Variants in DAP3 observed in about 807,000 individuals in gnomAD.
DAP3 encodes the protein small ribosomal subunit protein mS29.
DAP3 carries 28 observed loss-of-function variants against 51.9 expected under a neutral mutation model. The observed-to-expected ratio is 0.54, with a 90% CI of 0.40 to 0.74. DAP3 has a LOEUF of 0.74. DAP3 is among the 30% of genes least tolerant of loss of function. The pLI, the probability that DAP3 is intolerant of heterozygous loss-of-function variation, is 0.00. For synonymous variants in DAP3, 170 were observed against 170.3 expected (o/e 1.00, Z 0.01); for missense variants, 458 against 483.5 (o/e 0.95, Z 0.49).
chr1:155,719,899 C>T (rs1474828967), intron 3 of DAP3, among the ~76,000 whole-genome samples: 2 of 152,102 alleles, frequency 1.3e-5, no homozygotes, highest in African/African-American at 4.8e-5. Context: ...GTCCCAGCTA[C>T]TCGAGAGGTT....
chr1:155,735,439 T>A (rs1034407219), intron 11 of DAP3, among the ~76,000 whole-genome samples: 1 of 151,772 alleles, frequency 6.6e-6, no homozygotes, highest in African/African-American at 2.4e-5. Context: ...TAGCTGGGCA[T>A]GGTGGTGCAG....
Position 155,729,268 on chromosome 1 carries a change from A to T in DAP3, c.745A>T (p.Arg249Trp). 6.2e-7 allele frequency: 1 copy of T among 1,614,186 alleles called. No homozygotes were observed. Among genetic ancestry groups the T allele is most frequent in the Non-Finnish European group, 8.5e-7 (1 of 1,180,034 alleles). Residue 249 changes from arginine to tryptophan, a missense_variant, in exon 9 of 13, where the codon AGG becomes TGG. Transcript: ENST00000368336. ...AVGIVLKELK[R>W]QSSLGMFHLL... ...TGGAATTGTGCTGAAAGAGCTAAAG[A>T]GGCAAAGTTCTTTGGGTATGTTTCA...
chr1:155,730,301 G>A (rs1358644209), intron 9 of DAP3, among the ~76,000 whole-genome samples: 4 of 137,182 alleles, frequency 2.9e-5, no homozygotes, highest in Admixed American at 6.9e-5. Context: ...ATACATATTC[G>A]TATATATATG....
chr1:155,690,939 G>A (rs1487165875), intron 1 of DAP3, among the ~76,000 whole-genome samples: 2 of 141,268 alleles, frequency 1.4e-5, no homozygotes, highest in East Asian at 1.9e-4. Flanking sequence ...ACGGAGTCTC[G>A]CTCTGTCACC....
At chr1:155,732,211 G>A (rs941898948) in intron 11 of DAP3, 178 bp downstream of exon 11, 7 of 449,994 alleles carry the variant, frequency 1.6e-5, no homozygotes, top group Admixed American at 4.3e-5. Context: ...ATCCGTCTCC[G>A]TCTTTCTCCA....
upstream of DAP3, chr1:155,688,460 G>A (rs201373497): frequency 2.6e-6 from 4 of 1,549,612 alleles, no homozygotes; most frequent in Non-Finnish European, 3.5e-6. Flanking sequence ...CCCGACTCCG[G>A]CCATGTAGCG....
intron 1 of DAP3, among the ~76,000 whole-genome samples, chr1:155,704,737 T>C (rs1400583113): frequency 6.6e-6 from 1 of 152,040 alleles, no homozygotes; most frequent in African/African-American, 2.4e-5. Context: ...CCCAATACTT[T>C]GGGGGGCTGA....
rs200666107 is a variant in DAP3 at position 155,731,958 on chromosome 1, T to C, written c.918T>C (p.Ile306=). The C allele has an allele frequency of 2.5e-6, 4 of 1,610,966 alleles. No homozygotes were observed. In the African/African-American group the frequency reaches 4.0e-5, roughly 16 times the overall value. The change falls in exon 11 of 13, where the codon ATT becomes ATC. Residue 306 remains isoleucine (I), a synonymous_variant. Transcript: ENST00000368336. ...MMKNDWHGGA[I]VSALSQTGSL... is the part of the protein sequence containing the mutation. ...TTTTCTTTCAGCATGGAGGCGCCATTGTGTCGGCTTTGAGCCAGACTGGGT... is the reference window on the plus strand; with the variant it reads ...TTTTCTTTCAGCATGGAGGCGCCATCGTGTCGGCTTTGAGCCAGACTGGGT...
chr1:155,700,757 C>T (rs1375837137), intron 1 of DAP3, among the ~76,000 whole-genome samples: 6 of 144,928 alleles, frequency 4.1e-5, no homozygotes. Flanking sequence ...GGGGTCAGCC[C>T]TCCGCCCAGC....
chr1:155,736,610 T>C, intron 11 of DAP3: 1 of 283,030 alleles, frequency 3.5e-6, no homozygotes, highest in South Asian at 3.8e-5. Context: ...CGAGACAGGG[T>C]TTTACCACAT....
chr1:155,718,705 AAGATAGATAGATAGAT>A lies in DAP3; in HGVS notation c.168+1607_168+1622del, dbSNP rs61332895. 1.3e-3 allele frequency among the ~76,000 whole-genome samples: 185 copies of A among 140,942 alleles called. 2 individuals are homozygous for A. Among genetic ancestry groups the A allele is most frequent in the African/African-American group, 4.1e-3 (154 of 37,158 alleles). The allele number at this position is 140,942 out of a possible 152,430, so 92.5% of individuals were successfully genotyped here. A position where few individuals can be genotyped will look rare whatever the true frequency, so the allele number is the denominator to read the frequency against. ...TGTCTCAAAAAAAAAAAAAGAAAGA[AAGATAGATAGATAGAT>A]AGATAGATAGATAGATAGATAGATA... On this transcript the variant is annotated intron_variant, in intron 3 of 12. Transcript: ENST00000368336.
intron 3 of DAP3, among the ~76,000 whole-genome samples, chr1:155,719,260 A>G (rs1657710843): frequency 6.9e-6 from 1 of 144,328 alleles, no homozygotes; most frequent in African/African-American, 2.6e-5. Context: ...TTTGAGACAG[A>G]GTTTCACTCT....
intron 1 of DAP3, among the ~76,000 whole-genome samples, chr1:155,706,187 G>T (rs948380942): frequency 1.3e-5 from 2 of 151,966 alleles, no homozygotes; most frequent in African/African-American, 4.8e-5. Context: ...TCTTTTGTTT[G>T]TGGAATTGGC....
intron 3 of DAP3, 34 bp from the exon 4 acceptor site, chr1:155,721,483 C>T: frequency 1.9e-6 from 3 of 1,600,536 alleles, no homozygotes; most frequent in Non-Finnish European, 1.7e-6. Context: ...GTCACTTTGT[C>T]ACCATTATAC....
intron 3 of DAP3, among the ~76,000 whole-genome samples, chr1:155,717,902 G>C (rs944614329): frequency 6.6e-5 from 10 of 152,092 alleles, no homozygotes; most frequent in African/African-American, 2.4e-4. Context: ...ACTGGATATT[G>C]ATTTCTTTTT....
chr1:155,725,573 A>G (rs1658479905), intron 5 of DAP3, 83 bp downstream of exon 5: 9 of 1,325,946 alleles, frequency 6.8e-6, no homozygotes, highest in South Asian at 6.0e-5. Flanking sequence ...GAAAAAAAGT[A>G]CTGTTGAGGC....
At chr1:155,702,567 G>GGT (rs1215633134) in intron 1 of DAP3, among the ~76,000 whole-genome samples, 1 of 152,148 alleles carries the variant, frequency 6.6e-6, no homozygotes, top group African/African-American at 2.4e-5. Flanking sequence ...TATGATATGA[G>GGT]GTAGGGGTCC....
At chr1:155,726,071 C>A in intron 6 of DAP3, 52 bp downstream of exon 6, 4 of 1,376,214 alleles carry the variant, frequency 2.9e-6, no homozygotes, top group Non-Finnish European at 4.0e-6. Flanking sequence ...TATCCTGTTA[C>A]TGTGGTAGCC....
At chr1:155,726,422 G>C (rs2149186917) in intron 6 of DAP3, 1 of 152,938 alleles carries the variant, frequency 6.5e-6, no homozygotes, top group African/African-American at 2.4e-5. Context: ...CTGAGTAGCT[G>C]GGACTACAGG....
Sources: gnomAD v4.1 joint callset for allele counts (sites outside exome capture counted in the v4.1 genomes callset) on GRCh38, gnomAD v4.1.1 for gene constraint, MANE v1.5 for transcripts, NCBI Gene and HGNC (gene_info 2026-07-23, HGNC 2026-07-21) for gene names.